SPARC: variants seen among roughly 807,000 people sequenced by gnomAD.
The protein encoded by SPARC is secreted protein acidic and cysteine rich.
Under a neutral mutation model 37.7 loss-of-function variants are expected in SPARC, and 23 were observed. The ratio of observed to expected loss-of-function variants is 0.61; its 90% CI spans 0.44 to 0.87. The LOEUF (loss-of-function observed/expected upper bound fraction) is 0.87. Among genes scored for constraint, SPARC ranks in the 40% least tolerant of loss-of-function variants. SPARC has a pLI of 0.00. For missense variants in SPARC, 312 were observed against 389.0 expected, an observed-to-expected ratio of 0.80 and a Z score of 1.66; for synonymous variants, 155 against 150.8, an observed-to-expected ratio of 1.03 and a Z score of -0.20.
At chr5:151,683,191 T>C (rs1761038354) in intron 1 of SPARC, among the ~76,000 whole-genome samples, 1 of 152,200 alleles carries the variant, frequency 6.6e-6, no homozygotes, top group South Asian at 2.1e-4. Context: ...CTTCTCTCCT[T>C]TGAAACTGAC....
intron 1 of SPARC, among the ~76,000 whole-genome samples, chr5:151,683,190 T>C (rs1236400702): frequency 1.3e-5 from 2 of 152,320 alleles, no homozygotes; most frequent in African/African-American, 4.8e-5. Context: ...CCTTCTCTCC[T>C]TTGAAACTGA....
chr5:151,669,879 G>T lies in SPARC; in HGVS notation c.331-95C>A, dbSNP rs141258560. 32 of 1,503,204 alleles carry T rather than the reference G, an allele frequency of 2.1e-5. No homozygotes were observed. In the South Asian group the frequency reaches 3.5e-4, roughly 17 times the overall value. The allele number at this position is 1,503,204 out of a possible 1,614,324, so 93.1% of individuals were successfully genotyped here. Reference sequence around the variant, plus strand: ...CATTTCAGAGATGGGGACACTGAGGGTTAAGCAAGGAATGTCATTAGCCTG... The same window carrying T: ...CATTTCAGAGATGGGGACACTGAGGTTTAAGCAAGGAATGTCATTAGCCTG... On this transcript the variant is annotated intron_variant, in intron 5 of 9. Transcript: ENST00000231061.
intron 4 of SPARC, 131 bp from the exon 5 acceptor site, chr5:151,671,825 T>C (rs1350434697): frequency 2.6e-6 from 3 of 1,168,806 alleles, no homozygotes; most frequent in Non-Finnish European, 3.6e-6. Context: ...CAGCCCTGAG[T>C]CCTGCCTGCT....
chr5:151,662,064 C>T lies in SPARC; in HGVS notation c.*1507G>A, dbSNP rs1445077613. On this transcript the variant is annotated 3_prime_UTR_variant, in exon 10 of 10. Transcript: ENST00000231061. Reference sequence around the variant, plus strand: ...TTGTCTACTTTGCCATAACTGTGTCCCCAGTGCTTGGCATGGGACCTGGTG... The same window carrying T: ...TTGTCTACTTTGCCATAACTGTGTCTCCAGTGCTTGGCATGGGACCTGGTG... 1 of 152,644 alleles carries T rather than the reference C, an allele frequency of 6.6e-6. No homozygotes were observed. The highest frequency in any genetic ancestry group is 1.5e-5 in the Non-Finnish European group (1 of 68,030). 9.5% of individuals were successfully genotyped at this position (152,644 alleles called of 1,614,324 possible). A position where few individuals can be genotyped will look rare whatever the true frequency, so the allele number is the denominator to read the frequency against.
At chr5:151,665,886 C>T (rs1267719245) in intron 8 of SPARC, among the ~76,000 whole-genome samples, 1 of 152,212 alleles carries the variant, frequency 6.6e-6, no homozygotes, top group African/African-American at 2.4e-5. Context: ...AAACTGGGGG[C>T]TTGCAAAATA....
In SPARC at chr5:151,661,444, C is replaced by T. The variant is rs1432077351; in HGVS notation, c.*2127G>A. 1 of 152,192 alleles carries T rather than the reference C, an allele frequency of 6.6e-6. No homozygotes were observed. The highest frequency in any genetic ancestry group is 2.4e-5 in the African/African-American group (1 of 41,444). 9.4% of individuals were successfully genotyped at this position (152,192 alleles called of 1,614,324 possible). ...CTGTGTAGAAGAGAACACCAGAATACAGTTTGATTTTTTAGGAGCTTTTAT... is the reference window on the plus strand; with the variant it reads ...CTGTGTAGAAGAGAACACCAGAATATAGTTTGATTTTTTAGGAGCTTTTAT... On this transcript the variant is annotated 3_prime_UTR_variant, in exon 10 of 10. Coordinates refer to ENST00000231061, the MANE Select transcript of SPARC (RefSeq NM_003118.4).
chr5:151,668,051 A>T (rs537789731), intron 6 of SPARC, among the ~76,000 whole-genome samples: 1 of 152,294 alleles, frequency 6.6e-6, no homozygotes, highest in South Asian at 2.1e-4. Flanking sequence ...CTTAGAAATG[A>T]TTCCAACCTG....
intron 4 of SPARC, among the ~76,000 whole-genome samples, chr5:151,672,339 CA>C (rs1760765055): frequency 6.6e-6 from 1 of 152,130 alleles, no homozygotes. Context: ...CTTTTCCTCG[CA>C]ATGCTTTATT....
chr5:151,683,063 A>C lies in SPARC; in HGVS notation c.-14+3802T>G, dbSNP rs562297201. On this transcript the variant is annotated intron_variant, in intron 1 of 9. Transcript: ENST00000231061. Reference sequence around the variant, plus strand: ...TGCTGGCCCTGGCCCTGCACAGCCCAGCTGTCCCTGGGTTCAGGATTGAGG... The same window carrying C: ...TGCTGGCCCTGGCCCTGCACAGCCCCGCTGTCCCTGGGTTCAGGATTGAGG... Among the ~76,000 whole-genome samples the C allele has an allele frequency of 9.8e-5, 13 of 132,716 alleles. No individual in the cohort carries two copies. The South Asian group carries it at 3.5e-3, about 35-fold the overall frequency. The allele number at this position is 132,716 out of a possible 152,430, so 87.1% of individuals were successfully genotyped here.
At chr5:151,683,746 A>G (rs2113122825) in intron 1 of SPARC, among the ~76,000 whole-genome samples, 1 of 152,360 alleles carries the variant, frequency 6.6e-6, no homozygotes, top group Admixed American at 6.5e-5. Flanking sequence ...GGCGAGGGTC[A>G]GAATTTTCAC....
chr5:151,664,012 T>C, intron 9 of SPARC, 75 bp downstream of exon 9: 4 of 1,544,098 alleles, frequency 2.6e-6, no homozygotes, highest in Non-Finnish European at 3.6e-6. Context: ...GAGCGGAGAG[T>C]GGGGGGATGA....
intron 1 of SPARC, among the ~76,000 whole-genome samples, chr5:151,682,883 G>C (rs1356062051): frequency 1.3e-5 from 2 of 152,226 alleles, no homozygotes; most frequent in African/African-American, 4.8e-5. Flanking sequence ...GTTTCTGAAA[G>C]AAACCAGCTC....
intron 2 of SPARC, 117 bp from the exon 3 acceptor site, chr5:151,674,791 TC>T: frequency 2.1e-6 from 2 of 942,940 alleles, no homozygotes; most frequent in South Asian, 3.0e-5. Flanking sequence ...TTACTGGAGA[TC>T]CCCAAAGTTG....
intron 5 of SPARC, among the ~76,000 whole-genome samples, chr5:151,670,002 C>T (rs888936165): frequency 6.6e-6 from 1 of 152,076 alleles, no homozygotes; most frequent in African/African-American, 2.4e-5. Flanking sequence ...TCGATGGTCT[C>T]TGAGCAGAGG....
intron 8 of SPARC, among the ~76,000 whole-genome samples, chr5:151,665,038 C>G (rs1253602534): frequency 6.6e-6 from 1 of 152,188 alleles, no homozygotes; most frequent in East Asian, 1.9e-4. Flanking sequence ...CAGCCCCACC[C>G]AGCTCACCAA....
chr5:151,673,141 C>T lies in SPARC; in HGVS notation c.196G>A (p.Val66Met). The stretch of plus-strand genomic sequence containing the variant: ...GGAAGGGACATACTTTCCGCCACCA[C>T]CTCCTCTTCGGTTTCCTCTGCACCA... ...DDGAEETEEEVVAENPCQNHH... is the reference protein window; with the variant it reads ...DDGAEETEEEMVAENPCQNHH... Residue 66 changes from valine (V) to methionine (M), a missense_variant, in exon 4 of 10, where the codon GTG becomes ATG. Physicochemically the swap from Val to Met is conservative, Grantham distance 21. Transcript: ENST00000231061. The T allele has an allele frequency of 1.9e-6, 3 of 1,613,606 alleles. No individual in the cohort carries two copies. Among genetic ancestry groups the T allele is most frequent in the Non-Finnish European group, 2.5e-6 (3 of 1,179,448 alleles).
intron 4 of SPARC, 24 bp from the exon 5 acceptor site, chr5:151,671,718 G>A (rs1280685846): frequency 1.9e-6 from 3 of 1,613,312 alleles, no homozygotes; most frequent in East Asian, 4.5e-5. Context: ...AGACAAGGGA[G>A]TTAGCATCAC....
intron 8 of SPARC, among the ~76,000 whole-genome samples, 192 bp from the exon 9 acceptor site, chr5:151,664,427 A>G (rs1026370689): frequency 2.0e-5 from 3 of 152,240 alleles, no homozygotes; most frequent in Non-Finnish European, 4.4e-5. Context: ...ACAGCAGTGC[A>G]CCATTCGGAA....
chr5:151,678,926 C>G (rs958142486), intron 1 of SPARC: 15 of 151,314 alleles, frequency 9.9e-5, no homozygotes, highest in Non-Finnish European at 1.6e-4. Flanking sequence ...ACAGCCATCT[C>G]CCTGCCTCCC....
Sources: gnomAD v4.1 joint callset for allele counts (sites outside exome capture counted in the v4.1 genomes callset) on GRCh38, gnomAD v4.1.1 for gene constraint, MANE v1.5 for transcripts, NCBI Gene and HGNC (gene_info 2026-07-23, HGNC 2026-07-21) for gene names.